PPP1R9A: variants seen among roughly 807,000 people sequenced by gnomAD.
The protein encoded by PPP1R9A is protein phosphatase 1 regulatory subunit 9A.
In PPP1R9A, 59 loss-of-function variants were observed where a neutral mutation model predicts 141.9. The observed-to-expected ratio is 0.42, with a 90% CI of 0.34 to 0.52. The LOEUF (loss-of-function observed/expected upper bound fraction) is 0.52. PPP1R9A is among the 20% of genes least tolerant of loss of function. The pLI, the probability that PPP1R9A is intolerant of heterozygous loss-of-function variation, is 0.10. For synonymous variants in PPP1R9A, 500 were observed against 569.7 expected (o/e 0.88, Z 1.74); for missense variants, 1,444 against 1,611.9 (o/e 0.90, Z 1.78).
intron 2 of PPP1R9A, among the ~76,000 whole-genome samples, chr7:94,984,677 A>C (rs528806092): frequency 6.6e-6 from 1 of 152,130 alleles, no homozygotes; most frequent in Admixed American, 6.5e-5. Flanking sequence ...CGGTGGTGAT[A>C]TCCCCTTTAT....
intron 8 of PPP1R9A, among the ~76,000 whole-genome samples, chr7:95,240,739 T>C (rs1050801722): frequency 3.9e-5 from 6 of 152,178 alleles, no homozygotes; most frequent in African/African-American, 1.4e-4. Context: ...TCATTCTTTC[T>C]CGCTTTTCTT....
intron 2 of PPP1R9A, among the ~76,000 whole-genome samples, chr7:95,096,869 T>G (rs562394617): frequency 6.6e-6 from 1 of 152,244 alleles, no homozygotes; most frequent in Non-Finnish European, 1.5e-5. Context: ...ACGCTAACCA[T>G]TGCAGGCTGA....
chr7:95,142,092 G>T (rs1012148383), intron 4 of PPP1R9A, among the ~76,000 whole-genome samples: 1 of 151,850 alleles, frequency 6.6e-6, no homozygotes, highest in Non-Finnish European at 1.5e-5. Context: ...GTTTTGGTTT[G>T]CATTTCCCTG....
chr7:95,284,371 T>TG, intron 17 of PPP1R9A, 41 bp downstream of exon 17: 1 of 1,375,142 alleles, frequency 7.3e-7, no homozygotes, highest in Non-Finnish European at 9.7e-7. Flanking sequence ...ATTTCTTATG[T>TG]GGGGAAAAGA....
At chr7:95,154,034 TTTC>T (rs1829169969) in intron 4 of PPP1R9A, among the ~76,000 whole-genome samples, 1 of 152,120 alleles carries the variant, frequency 6.6e-6, no homozygotes. Flanking sequence ...ATCTTATCCT[TTTC>T]TTGGTTGCTT....
intron 2 of PPP1R9A, among the ~76,000 whole-genome samples, chr7:94,957,801 G>A (rs1180950100): frequency 1.3e-5 from 2 of 151,950 alleles, no homozygotes; most frequent in Non-Finnish European, 2.9e-5. Context: ...CTTTTTGTAG[G>A]AACGACAGGA....
chr7:94,993,213 A>G (rs1584163761), intron 2 of PPP1R9A, among the ~76,000 whole-genome samples: 1 of 151,390 alleles, frequency 6.6e-6, no homozygotes, highest in East Asian at 1.9e-4. Flanking sequence ...TGGGTGCTCT[A>G]TTTTATGTAT....
intron 5 of PPP1R9A, among the ~76,000 whole-genome samples, chr7:95,178,440 C>G (rs1833214799): frequency 6.6e-6 from 1 of 151,874 alleles, no homozygotes; most frequent in African/African-American, 2.4e-5. Context: ...ACTGAAAGAG[C>G]ACAAACTGAT....
intron 2 of PPP1R9A, among the ~76,000 whole-genome samples, chr7:95,039,345 G>A (rs1423740711): frequency 1.3e-5 from 2 of 152,034 alleles, no homozygotes; most frequent in Non-Finnish European, 2.9e-5. Flanking sequence ...GAGGCAGGCA[G>A]ATCACTTCAG....
At chr7:95,083,124 G>A (rs1374421934) in intron 2 of PPP1R9A, among the ~76,000 whole-genome samples, 1 of 151,836 alleles carries the variant, frequency 6.6e-6, no homozygotes, top group African/African-American at 2.4e-5. Context: ...ATTAACAAGA[G>A]AAAAGCATAT....
intron 2 of PPP1R9A, among the ~76,000 whole-genome samples, chr7:95,038,223 C>T (rs1808727178): frequency 6.6e-6 from 1 of 152,196 alleles, no homozygotes; most frequent in South Asian, 2.1e-4. Context: ...GGTTACAGGG[C>T]AAACCCCCTC....
At chr7:94,996,844 C>T (rs1802251664) in intron 2 of PPP1R9A, among the ~76,000 whole-genome samples, 1 of 145,020 alleles carries the variant, frequency 6.9e-6, no homozygotes, top group Non-Finnish European at 1.5e-5. Flanking sequence ...CTCTTGTTGC[C>T]CAGGCTGGAG....
intron 8 of PPP1R9A, among the ~76,000 whole-genome samples, chr7:95,234,635 A>G (rs183038058): frequency 1.3e-5 from 2 of 152,280 alleles, no homozygotes; most frequent in East Asian, 1.9e-4. Context: ...TGCAATTCCC[A>G]TAAAAATACC....
chr7:95,071,304 G>A (rs1813784481), intron 2 of PPP1R9A, among the ~76,000 whole-genome samples: 3 of 151,988 alleles, frequency 2.0e-5, no homozygotes, highest in Admixed American at 2.0e-4. Context: ...TGGGACAGAA[G>A]TATTTGTAAT....
chr7:95,273,261 A>T (rs1344192476), intron 14 of PPP1R9A, among the ~76,000 whole-genome samples: 1 of 152,156 alleles, frequency 6.6e-6, no homozygotes, highest in East Asian at 1.9e-4. Context: ...GCTGTAACCT[A>T]ACTATTAAGA....
chr7:95,268,710 G>T lies in PPP1R9A; in HGVS notation c.2823+3G>T. ...GGGAGGACAGTCTAGAGAGAAAGGTGAGCACCCTTGACCGTTTCCTGATTT... is the reference window on the plus strand; with the variant it reads ...GGGAGGACAGTCTAGAGAGAAAGGTTAGCACCCTTGACCGTTTCCTGATTT... On this transcript the variant is annotated splice_donor_region_variant and intron_variant, in intron 13 of 19. Transcript: ENST00000433360. 1 of 1,612,134 alleles carries T rather than the reference G, an allele frequency of 6.2e-7. No homozygotes were observed. The highest frequency in any genetic ancestry group is 1.1e-5 in the South Asian group (1 of 90,952).
At chr7:94,989,784 C>G (rs1043846113) in intron 2 of PPP1R9A, among the ~76,000 whole-genome samples, 1 of 152,002 alleles carries the variant, frequency 6.6e-6, no homozygotes, top group Non-Finnish European at 1.5e-5. Context: ...ATTTCTTATA[C>G]AGATTATTTC....
chr7:95,212,868 T>G (rs1164789974), intron 7 of PPP1R9A, among the ~76,000 whole-genome samples: 2 of 152,210 alleles, frequency 1.3e-5, no homozygotes, highest in African/African-American at 4.8e-5. Flanking sequence ...CAGTTGGGTC[T>G]GGGAGCCTAG....
At chr7:95,043,466 G>A (rs1281941382) in intron 2 of PPP1R9A, among the ~76,000 whole-genome samples, 2 of 152,170 alleles carry the variant, frequency 1.3e-5, no homozygotes, top group Non-Finnish European at 2.9e-5. Flanking sequence ...AAGGGCCCCA[G>A]ATGGGGAAGA....
Sources: allele counts gnomAD v4.1 joint callset (sites outside exome capture counted in the v4.1 genomes callset), GRCh38; gene constraint gnomAD v4.1.1; transcripts MANE v1.5; gene names NCBI Gene and HGNC (gene_info 2026-07-23, HGNC 2026-07-21).